Variants in SGMS1 observed in about 807,000 individuals in gnomAD.
The protein encoded by SGMS1 is phosphatidylcholine:ceramide cholinephosphotransferase 1.
A neutral mutation model predicts 46.2 loss-of-function variants in SGMS1; 13 were observed. The ratio of observed to expected loss-of-function variants is 0.28; its 90% CI spans 0.18 to 0.45. The LOEUF is 0.45. Among genes scored for constraint, SGMS1 ranks in the 20% least tolerant of loss-of-function variants. The pLI, the probability that SGMS1 is intolerant of heterozygous loss-of-function variation, is 1.00. For synonymous variants in SGMS1, 203 were observed against 187.8 expected (o/e 1.08, Z -0.66); for missense variants, 324 against 519.9 (o/e 0.62, Z 3.66).
At chr10:50,604,913 C>T (rs955391941) in intron 1 of SGMS1, among the ~76,000 whole-genome samples, 2 of 152,244 alleles carry the variant, frequency 1.3e-5, no homozygotes, top group Non-Finnish European at 2.9e-5. Context: ...AAGCCTCCAT[C>T]TTCAGATAGA....
At chr10:50,352,264 G>C (rs1209820026) in intron 6 of SGMS1, among the ~76,000 whole-genome samples, 1 of 151,902 alleles carries the variant, frequency 6.6e-6, no homozygotes, top group Non-Finnish European at 1.5e-5. Context: ...TACAGGGTGA[G>C]GTAAGAGTTA....
intron 3 of SGMS1, among the ~76,000 whole-genome samples, chr10:50,504,117 G>A (rs145059564): frequency 1.3e-5 from 2 of 152,310 alleles, no homozygotes; most frequent in African/African-American, 4.8e-5. Context: ...TTGAGACACA[G>A]TCTGACAAGT....
intron 2 of SGMS1, among the ~76,000 whole-genome samples, chr10:50,523,238 T>C (rs1048958026): frequency 2.6e-5 from 4 of 152,332 alleles, no homozygotes; most frequent in African/African-American, 9.6e-5. Flanking sequence ...ATGCCTTTAA[T>C]AGTAAATGAT....
intron 5 of SGMS1, among the ~76,000 whole-genome samples, chr10:50,447,957 A>G (rs769278986): frequency 1.3e-5 from 2 of 152,180 alleles, no homozygotes; most frequent in Non-Finnish European, 2.9e-5. Flanking sequence ...AGCTGGTTCA[A>G]CTGGGATAGG....
At chr10:50,360,138 C>T (rs1848223760) in intron 6 of SGMS1, among the ~76,000 whole-genome samples, 1 of 152,158 alleles carries the variant, frequency 6.6e-6, no homozygotes, top group Non-Finnish European at 1.5e-5. Context: ...GCAGATTTCT[C>T]TAAATAATAG....
chr10:50,372,434 C>T (rs567777967), intron 6 of SGMS1, among the ~76,000 whole-genome samples: 2 of 152,320 alleles, frequency 1.3e-5, no homozygotes, highest in Admixed American at 1.3e-4. Context: ...GTGGCTCACG[C>T]CTGTAATCCC....
intron 5 of SGMS1, among the ~76,000 whole-genome samples, chr10:50,453,407 G>T (rs1837137222): frequency 6.7e-6 from 1 of 150,090 alleles, no homozygotes; most frequent in Non-Finnish European, 1.5e-5. Flanking sequence ...TAAAACTGTA[G>T]GATAAAAAAT....
chr10:50,376,525 T>C (rs931827192), intron 6 of SGMS1, among the ~76,000 whole-genome samples: 11 of 152,212 alleles, frequency 7.2e-5, no homozygotes, highest in African/African-American at 2.7e-4. Context: ...GTTGGTGTGC[T>C]GCACCCATTA....
chr10:50,482,312 C>G lies in SGMS1; in HGVS notation c.-497-15380G>C, dbSNP rs1837483818. Among the ~76,000 whole-genome samples, 3 of 152,178 alleles carry G rather than the reference C, an allele frequency of 2.0e-5. No homozygotes were observed. The South Asian group carries it at 6.2e-4, about 32-fold the overall frequency. ...TACAAAGGGAAGCCAATCAGACTAA[C>G]AGCAGAACTCTCAGTGGAAACCCTA... On this transcript the variant is annotated intron_variant, in intron 3 of 10. Transcript: ENST00000361781.
At chr10:50,516,814 G>A (rs1296076306) in intron 3 of SGMS1, among the ~76,000 whole-genome samples, 1 of 152,180 alleles carries the variant, frequency 6.6e-6, no homozygotes, top group Non-Finnish European at 1.5e-5. Flanking sequence ...TATAATTAGA[G>A]TCTGAATAAA....
At chr10:50,532,256 TG>T (rs1837961682) in intron 2 of SGMS1, among the ~76,000 whole-genome samples, 1 of 151,284 alleles carries the variant, frequency 6.6e-6, no homozygotes, top group Non-Finnish European at 1.5e-5. Flanking sequence ...TGTGTGTGTG[TG>T]TGTGTGTGTG....
intron 3 of SGMS1, among the ~76,000 whole-genome samples, chr10:50,479,121 C>T (rs1837454514): frequency 6.6e-6 from 1 of 151,250 alleles, no homozygotes; most frequent in South Asian, 2.1e-4. Flanking sequence ...TAGTGAATTT[C>T]CAGTAATGCA....
chr10:50,385,355 G>A (rs1848667169), intron 6 of SGMS1, among the ~76,000 whole-genome samples: 1 of 152,062 alleles, frequency 6.6e-6, no homozygotes, highest in Non-Finnish European at 1.5e-5. Context: ...AACAAGTTTT[G>A]AATCAGGTAG....
At chr10:50,482,498 G>A (rs1050721938) in intron 3 of SGMS1, among the ~76,000 whole-genome samples, 17 of 152,184 alleles carry the variant, frequency 1.1e-4, no homozygotes, top group Non-Finnish European at 2.1e-4. Context: ...GAAACACTGA[G>A]GGAATTTGTC....
At chr10:50,495,073 C>T (rs890601265) in intron 3 of SGMS1, among the ~76,000 whole-genome samples, 2 of 87,136 alleles carry the variant, frequency 2.3e-5, no homozygotes, top group Non-Finnish European at 4.8e-5. Context: ...ACAAAAAATA[C>T]AAAAAAAAAA....
intron 3 of SGMS1, among the ~76,000 whole-genome samples, chr10:50,508,837 T>C (rs911851226): frequency 6.6e-6 from 1 of 152,228 alleles, no homozygotes; most frequent in Non-Finnish European, 1.5e-5. Flanking sequence ...AATTCAAATG[T>C]CATCTCCTAT....
At chr10:50,361,757 G>C (rs77983801) in intron 6 of SGMS1, among the ~76,000 whole-genome samples, 3,819 of 152,182 alleles carry the variant, frequency 0.025, 175 homozygotes, top group African/African-American at 0.085. Context: ...ACTACCATGA[G>C]ATCTAGTTCA....
chr10:50,592,743 C>T (rs970519236), intron 1 of SGMS1, among the ~76,000 whole-genome samples: 2 of 152,160 alleles, frequency 1.3e-5, no homozygotes, highest in African/African-American at 4.8e-5. Flanking sequence ...TTTCTTTAAA[C>T]CCATACTAAT....
At chr10:50,401,907 C>A (rs1848945795) in intron 6 of SGMS1, among the ~76,000 whole-genome samples, 1 of 152,196 alleles carries the variant, frequency 6.6e-6, no homozygotes, top group Non-Finnish European at 1.5e-5. Flanking sequence ...AAATGAATTT[C>A]TGTCACCTTA....
Sources: gnomAD v4.1 joint callset for allele counts (sites outside exome capture counted in the v4.1 genomes callset) on GRCh38, gnomAD v4.1.1 for gene constraint, MANE v1.5 for transcripts, NCBI Gene and HGNC (gene_info 2026-07-23, HGNC 2026-07-21) for gene names.